Variants in CNIH3 observed in about 807,000 individuals in gnomAD.
CNIH3 encodes the protein protein cornichon homolog 3.
In CNIH3, 14 loss-of-function variants were observed where a neutral mutation model predicts 24.1. The ratio of observed to expected loss-of-function variants is 0.58; its 90% CI spans 0.38 to 0.91. The LOEUF is 0.91. Ranked by LOEUF, CNIH3 falls within the 40% of genes least tolerant of loss-of-function variation. CNIH3 has a pLI of 0.00. For synonymous variants in CNIH3, 68 were observed against 73.8 expected (o/e 0.92, Z 0.40); for missense variants, 178 against 196.8 (o/e 0.90, Z 0.57).
At chr1:224,600,101 T>C (rs1360825204) in intron 3 of CNIH3, among the ~76,000 whole-genome samples, 1 of 152,204 alleles carries the variant, frequency 6.6e-6, no homozygotes, top group Non-Finnish European at 1.5e-5. Context: ...ATTGAATATT[T>C]CATGTTTGAA....
chr1:224,499,843 C>T (rs528083022), intron 1 of CNIH3, among the ~76,000 whole-genome samples: 1 of 149,666 alleles, frequency 6.7e-6, no homozygotes, highest in Non-Finnish European at 1.5e-5. Context: ...GCAGGAGGAT[C>T]GCTTGAGGCC....
intron 1 of CNIH3, among the ~76,000 whole-genome samples, chr1:224,508,824 T>C (rs1284579513): frequency 6.6e-6 from 1 of 152,218 alleles, no homozygotes; most frequent in African/African-American, 2.4e-5. Flanking sequence ...CCAATGAGAC[T>C]TTGTTTATTA....
At chr1:224,597,030 T>C (rs145808909) in intron 3 of CNIH3, among the ~76,000 whole-genome samples, 2 of 152,194 alleles carry the variant, frequency 1.3e-5, no homozygotes, top group East Asian at 3.9e-4. Context: ...TGCATGCCTG[T>C]AATCCCAGCT....
chr1:224,680,368 T>A (rs1181368605), intron 1 of CNIH3, among the ~76,000 whole-genome samples: 1 of 152,152 alleles, frequency 6.6e-6, no homozygotes, highest in Middle Eastern at 3.2e-3. Flanking sequence ...CTCTGGGGAG[T>A]TCTGAGTCTT....
intron 1 of CNIH3, among the ~76,000 whole-genome samples, chr1:224,621,939 A>C (rs1683303046): frequency 6.6e-6 from 1 of 152,148 alleles, no homozygotes; most frequent in South Asian, 2.1e-4. Flanking sequence ...CATGATAGTG[A>C]ATAAGTCTCA....
rs374710735 is a variant in CNIH3, at chr1:224,567,859, G to T, written n.516+1595G>T. Among the ~76,000 whole-genome samples, 4 of 152,294 alleles carry T rather than the reference G, an allele frequency of 2.6e-5. No individual in the cohort carries two copies. In the East Asian group the frequency reaches 5.8e-4, roughly 22 times the overall value. ...GACCCCACTGGGATGTTATAAGATC[G>T]AGAACCCGGAGTAGGGGAGCCTTGT... On this transcript the variant is annotated intron_variant and non_coding_transcript_variant, in intron 4 of 5. Transcript: ENST00000471578.
At chr1:224,526,034 T>C (rs2124922910) in intron 2 of CNIH3, among the ~76,000 whole-genome samples, 1 of 152,254 alleles carries the variant, frequency 6.6e-6, no homozygotes, top group East Asian at 1.9e-4. Flanking sequence ...ATCCTCTGCT[T>C]CAGCTGGGCA....
At chr1:224,548,529 A>G (rs1315952859) in intron 3 of CNIH3, among the ~76,000 whole-genome samples, 1 of 151,998 alleles carries the variant, frequency 6.6e-6, no homozygotes, top group Non-Finnish European at 1.5e-5. Context: ...AAAAGATATT[A>G]CATTTAATAT....
chr1:224,585,501 CA>C (rs2125020043), intron 5 of CNIH3, among the ~76,000 whole-genome samples: 1 of 150,616 alleles, frequency 6.6e-6, no homozygotes, highest in South Asian at 2.1e-4. Flanking sequence ...ATTTTTGAGA[CA>C]GGGCCCTGCT....
chr1:224,718,949 T>C (rs1472146088), intron 3 of CNIH3: 1 of 152,212 alleles, frequency 6.6e-6, no homozygotes. Context: ...CTCACCAGTG[T>C]GTGAGTGCTG....
At chr1:224,689,717 C>T (rs1051594422) in intron 3 of CNIH3, among the ~76,000 whole-genome samples, 2 of 152,218 alleles carry the variant, frequency 1.3e-5, no homozygotes, top group Non-Finnish European at 2.9e-5. Flanking sequence ...GTTAAACCAC[C>T]TCCTCAGCTT....
intron 2 of CNIH3, among the ~76,000 whole-genome samples, chr1:224,523,676 C>T (rs1303893820): frequency 6.6e-6 from 1 of 152,138 alleles, no homozygotes; most frequent in Non-Finnish European, 1.5e-5. Flanking sequence ...GATGTGTGAT[C>T]TCTGCACTTC....
chr1:224,686,237 A>G (rs1246544075), intron 3 of CNIH3, among the ~76,000 whole-genome samples: 4 of 142,182 alleles, frequency 2.8e-5, no homozygotes, highest in Non-Finnish European at 4.5e-5. Flanking sequence ...GTTCCCACCT[A>G]TAAGTGAGAA....
At chr1:224,725,228 A>G (rs2012466) in intron 3 of CNIH3, among the ~76,000 whole-genome samples, 34,946 of 152,014 alleles carry the variant, frequency 0.23, 4,323 homozygotes, top group East Asian at 0.36. Context: ...TAATAATGAT[A>G]ATAATGATCA....
At chr1:224,495,117 C>T (rs145498390) in intron 1 of CNIH3, among the ~76,000 whole-genome samples, 8 of 152,264 alleles carry the variant, frequency 5.3e-5, no homozygotes, top group East Asian at 1.9e-4. Flanking sequence ...GAGTAGTTCC[C>T]GTGGTAGGCA....
At position 224,558,799 on chromosome 1, in the gene CNIH3, G is replaced by A. The variant is rs182068054; in HGVS notation, n.451-7400G>A. On this transcript the variant is annotated intron_variant and non_coding_transcript_variant, in intron 3 of 5. Coordinates refer to the CNIH3 transcript ENST00000471578. ...GATGTGGGGAGAGAGACTGTGAAAC[G>A]AGGACACCTTTTCCTACTTCACATT... is the stretch of plus-strand genomic sequence containing the variant. 1.9e-3 allele frequency among the ~76,000 whole-genome samples: 296 copies of A among 152,316 alleles called. 2 individuals are homozygous for A. The highest frequency in any genetic ancestry group is 6.6e-3 in the African/African-American group (274 of 41,568).
At chr1:224,600,543 G>C (rs1340326651) in intron 3 of CNIH3, among the ~76,000 whole-genome samples, 3 of 152,124 alleles carry the variant, frequency 2.0e-5, no homozygotes, top group African/African-American at 7.2e-5. Context: ...GTCCAGGCTG[G>C]AGTGCAGTGC....
chr1:224,530,223 T>G (rs993462605), intron 2 of CNIH3, among the ~76,000 whole-genome samples: 5 of 152,190 alleles, frequency 3.3e-5, no homozygotes, highest in African/African-American at 1.2e-4. Flanking sequence ...TAAAATCTTG[T>G]TTGTGTAAAT....
chr1:224,631,138 G>A (rs56039603), intron 1 of CNIH3, among the ~76,000 whole-genome samples: 23,774 of 151,892 alleles, frequency 0.16, 2,031 homozygotes, highest in Middle Eastern at 0.19. Context: ...ACTCTATCCT[G>A]GGCGACAGAG....
Sources: allele counts gnomAD v4.1 joint callset (sites outside exome capture counted in the v4.1 genomes callset), GRCh38; gene constraint gnomAD v4.1.1; transcripts MANE v1.5; gene names NCBI Gene and HGNC (gene_info 2026-07-23, HGNC 2026-07-21).